Variants in ROR1 observed in about 807,000 individuals in gnomAD.
ROR1 encodes the protein inactive tyrosine-protein kinase transmembrane receptor ROR1.
Under a neutral mutation model 78.8 loss-of-function variants are expected in ROR1, and 19 were observed. The observed-to-expected ratio is 0.24, with a 90% CI of 0.17 to 0.35. The LOEUF is 0.35. Among genes scored for constraint, ROR1 ranks in the 10% least tolerant of loss-of-function variants. The probability of loss-of-function intolerance (pLI) is 1.00; values close to 1 mark genes in which losing one functional copy is unlikely to be tolerated. For missense variants in ROR1, 917 were observed against 1,177.8 expected (o/e 0.78, Z 3.24); for synonymous variants, 386 against 433.6 (o/e 0.89, Z 1.36).
chr1:63,864,740 G>A (rs957613434), intron 1 of ROR1, among the ~76,000 whole-genome samples: 2 of 151,656 alleles, frequency 1.3e-5, no homozygotes, highest in African/African-American at 4.9e-5. Flanking sequence ...CTCTGCTGCT[G>A]TGGAGCAGTT....
chr1:64,059,307 C>A (rs1646898732), intron 4 of ROR1, among the ~76,000 whole-genome samples: 1 of 152,104 alleles, frequency 6.6e-6, no homozygotes, highest in African/African-American at 2.4e-5. Flanking sequence ...CTGTGGAAAT[C>A]AGATTGCCTC....
intron 4 of ROR1, among the ~76,000 whole-genome samples, chr1:64,056,000 A>G (rs1646870773): frequency 6.6e-6 from 1 of 152,212 alleles, no homozygotes; most frequent in Non-Finnish European, 1.5e-5. Flanking sequence ...AAATTATAGC[A>G]TGCATCGGTG....
intron 1 of ROR1, among the ~76,000 whole-genome samples, chr1:63,878,105 C>T (rs565823134): frequency 1.3e-4 from 20 of 152,268 alleles, no homozygotes; most frequent in African/African-American, 3.8e-4. Flanking sequence ...CCTTGCCCCA[C>T]TTTGGCACCC....
At position 63,846,231 on chromosome 1, in the gene ROR1, C is replaced by A. The variant is rs188050404; in HGVS notation, c.91+71723C>A. 3.9e-3 allele frequency among the ~76,000 whole-genome samples: 593 copies of A among 151,520 alleles called. 2 individuals carry two copies. Among genetic ancestry groups the A allele is most frequent in the African/African-American group, 0.014 (568 of 41,222 alleles). ...TCCTCATGGTGAGGAGGTGGCCTACCCCTCACATCTGTTTTCAGCCCCTGT... is the reference window on the plus strand; with the variant it reads ...TCCTCATGGTGAGGAGGTGGCCTACACCTCACATCTGTTTTCAGCCCCTGT... On this transcript the variant is annotated intron_variant, in intron 1 of 8. Transcript: ENST00000371079.
intron 1 of ROR1, among the ~76,000 whole-genome samples, chr1:63,990,512 C>A (rs1646287241): frequency 6.6e-6 from 1 of 152,222 alleles, no homozygotes; most frequent in African/African-American, 2.4e-5. Flanking sequence ...ACATGCCTAA[C>A]TCATCTAAAT....
At chr1:63,891,920 C>G (rs1157319469) in intron 1 of ROR1, among the ~76,000 whole-genome samples, 1 of 152,074 alleles carries the variant, frequency 6.6e-6, no homozygotes, top group African/African-American at 2.4e-5. Context: ...TGTCGGATTG[C>G]TCAGCCTCCA....
intron 4 of ROR1, among the ~76,000 whole-genome samples, chr1:64,088,874 T>G (rs1229536348): frequency 1.3e-5 from 2 of 152,184 alleles, no homozygotes; most frequent in Non-Finnish European, 2.9e-5. Flanking sequence ...ATAATTCTTG[T>G]GGGAGAATCA....
At chr1:63,974,626 A>G (rs1646143251) in intron 1 of ROR1, among the ~76,000 whole-genome samples, 1 of 151,324 alleles carries the variant, frequency 6.6e-6, no homozygotes, top group Admixed American at 6.6e-5. Context: ...TAGAAATGTA[A>G]ACCCTTTTTT....
At chr1:63,932,782 C>T (rs1645764458) in intron 1 of ROR1, among the ~76,000 whole-genome samples, 1 of 152,280 alleles carries the variant, frequency 6.6e-6, no homozygotes, top group African/African-American at 2.4e-5. Context: ...TCCTGTTGCT[C>T]TTGCTGTAGA....
chr1:63,779,392 C>A (rs543379635), intron 1 of ROR1, among the ~76,000 whole-genome samples: 1 of 152,270 alleles, frequency 6.6e-6, no homozygotes, highest in African/African-American at 2.4e-5. Context: ...ACACTCACGT[C>A]TTCAAGGCCT....
chr1:64,129,847 G>A (rs1229067077), intron 4 of ROR1, among the ~76,000 whole-genome samples: 1 of 152,128 alleles, frequency 6.6e-6, no homozygotes, highest in Non-Finnish European at 1.5e-5. Context: ...TTCTGCTCCT[G>A]TTCCAAGTGA....
intron 2 of ROR1, among the ~76,000 whole-genome samples, chr1:64,010,997 T>C (rs72914925): frequency 0.03 from 4,529 of 152,274 alleles, 252 homozygotes; most frequent in African/African-American, 0.1. Flanking sequence ...CTAATACATC[T>C]ACTAATACAT....
chr1:63,789,043 G>A, intron 1 of ROR1: 2 of 628,066 alleles, frequency 3.2e-6, no homozygotes, highest in East Asian at 3.7e-5. Flanking sequence ...TCTGGCATCC[G>A]GGCATTGGTT....
chr1:64,052,913 C>T (rs1182736289), intron 4 of ROR1, among the ~76,000 whole-genome samples: 1 of 152,042 alleles, frequency 6.6e-6, no homozygotes, highest in East Asian at 1.9e-4. Context: ...CACCACTTCC[C>T]CTGTCTCTAG....
At chr1:64,113,400 G>T (rs1483219688) in intron 4 of ROR1, among the ~76,000 whole-genome samples, 1 of 152,182 alleles carries the variant, frequency 6.6e-6, no homozygotes, top group Non-Finnish European at 1.5e-5. Flanking sequence ...CCTATATTCT[G>T]CAGTAGGCCG....
intron 4 of ROR1, among the ~76,000 whole-genome samples, chr1:64,129,596 A>G (rs1648840316): frequency 6.6e-6 from 1 of 152,188 alleles, no homozygotes; most frequent in Admixed American, 6.5e-5. Context: ...GGCCCTTAAC[A>G]GAGGAAAAGT....
At chr1:64,007,031 A>G (rs897220994) in intron 1 of ROR1, among the ~76,000 whole-genome samples, 4 of 139,776 alleles carry the variant, frequency 2.9e-5, no homozygotes, top group Admixed American at 2.0e-4. Context: ...AGGTAAGGTG[A>G]AAAAAAAAAG....
chr1:64,101,396 A>C (rs984222160), intron 4 of ROR1, among the ~76,000 whole-genome samples: 2 of 152,106 alleles, frequency 1.3e-5, no homozygotes, highest in African/African-American at 4.8e-5. Flanking sequence ...GGACATGTGG[A>C]ATTGATTAAG....
intron 2 of ROR1, among the ~76,000 whole-genome samples, chr1:64,045,941 A>C (rs1427373847): frequency 6.6e-6 from 1 of 152,192 alleles, no homozygotes; most frequent in Non-Finnish European, 1.5e-5. Context: ...AGGGAAAAAA[A>C]GATGAGAAAT....
Sources: allele counts gnomAD v4.1 joint callset (sites outside exome capture counted in the v4.1 genomes callset), GRCh38; gene constraint gnomAD v4.1.1; transcripts MANE v1.5; gene names NCBI Gene and HGNC (gene_info 2026-07-23, HGNC 2026-07-21).